L3MBTL4: variants seen among roughly 807,000 people sequenced by gnomAD.
The protein encoded by L3MBTL4 is L3MBTL histone methyl-lysine binding protein 4.
In L3MBTL4, 70 loss-of-function variants were observed where a neutral mutation model predicts 84.5. The observed-to-expected ratio is 0.83, with a 90% confidence interval of 0.68 to 1.01. The LOEUF (loss-of-function observed/expected upper bound fraction) is 1.01, where lower values mean the gene tolerates loss of function less well. L3MBTL4 is among the 50% of genes least tolerant of loss of function. L3MBTL4 has a pLI of 0.00. For missense variants in L3MBTL4, 715 were observed against 754.8 expected (o/e 0.95, Z 0.62); for synonymous variants, 274 against 259.8 (o/e 1.05, Z -0.52).
chr18:6,302,488 G>GC (rs2050385555), intron 3 of L3MBTL4, among the ~76,000 whole-genome samples: 1 of 152,190 alleles, frequency 6.6e-6, no homozygotes, highest in African/African-American at 2.4e-5. Context: ...CACGCAGCAA[G>GC]CAAGATGGTG....
At chr18:6,053,059 T>C (rs766380483) in intron 16 of L3MBTL4, among the ~76,000 whole-genome samples, 2 of 152,208 alleles carry the variant, frequency 1.3e-5, no homozygotes, top group Non-Finnish European at 2.9e-5. Flanking sequence ...CCTTGTTCAT[T>C]GTGTCTTTCT....
intron 16 of L3MBTL4, among the ~76,000 whole-genome samples, chr18:5,994,794 T>C (rs576867272): frequency 3.9e-5 from 6 of 152,332 alleles, no homozygotes; most frequent in African/African-American, 1.2e-4. Context: ...CTCCTTCAAC[T>C]TCTATCATTT....
chr18:6,283,024 C>T (rs1232432708), intron 4 of L3MBTL4, among the ~76,000 whole-genome samples: 1 of 152,184 alleles, frequency 6.6e-6, no homozygotes, highest in African/African-American at 2.4e-5. Context: ...GCAACGCCTC[C>T]TCTCCAAGAC....
At chr18:6,090,716 C>T (rs569878738) in intron 15 of L3MBTL4, among the ~76,000 whole-genome samples, 1 of 151,480 alleles carries the variant, frequency 6.6e-6, no homozygotes, top group East Asian at 1.9e-4. Flanking sequence ...CCTCTGCTTC[C>T]CAGGCTCAAG....
chr18:6,288,662 T>C (rs989485504), intron 4 of L3MBTL4, among the ~76,000 whole-genome samples: 4 of 145,132 alleles, frequency 2.8e-5, no homozygotes, highest in African/African-American at 1.0e-4. Flanking sequence ...GTATTTAACT[T>C]TAAGGTTTAC....
intron 10 of L3MBTL4, among the ~76,000 whole-genome samples, chr18:6,216,345 T>C (rs1217709863): frequency 6.6e-6 from 1 of 152,228 alleles, no homozygotes; most frequent in African/African-American, 2.4e-5. Flanking sequence ...ATATTGAACA[T>C]GATATAAAGA....
At chr18:6,280,133 G>A (rs368248060) in intron 4 of L3MBTL4, among the ~76,000 whole-genome samples, 11 of 152,082 alleles carry the variant, frequency 7.2e-5, no homozygotes, top group Non-Finnish European at 1.0e-4. Flanking sequence ...TTTAAAATCC[G>A]TAAAGGAACA....
chr18:6,111,354 T>C (rs2059190523), intron 14 of L3MBTL4, among the ~76,000 whole-genome samples: 1 of 152,242 alleles, frequency 6.6e-6, no homozygotes, highest in Non-Finnish European at 1.5e-5. Context: ...TGAATTATAA[T>C]GTAATAAAGT....
intron 16 of L3MBTL4, among the ~76,000 whole-genome samples, chr18:6,036,868 G>A (rs1391464064): frequency 6.6e-6 from 1 of 152,138 alleles, no homozygotes; most frequent in Non-Finnish European, 1.5e-5. Flanking sequence ...TCCTGGGCCT[G>A]TACCTTTCCC....
intron 16 of L3MBTL4, among the ~76,000 whole-genome samples, chr18:6,048,704 G>T (rs1037547867): frequency 4.0e-5 from 6 of 151,342 alleles, no homozygotes; most frequent in Non-Finnish European, 5.9e-5. Context: ...TGGGAGAATC[G>T]CTTGAACCCG....
intron 13 of L3MBTL4, among the ~76,000 whole-genome samples, chr18:6,154,089 T>A (rs2043002432): frequency 1.3e-5 from 2 of 152,180 alleles, no homozygotes; most frequent in Admixed American, 6.5e-5. Context: ...GGATTTCCAA[T>A]ACTATGTTGA....
intron 1 of L3MBTL4, among the ~76,000 whole-genome samples, chr18:6,380,296 T>C (rs1015141662): frequency 6.6e-6 from 1 of 152,124 alleles, no homozygotes; most frequent in Non-Finnish European, 1.5e-5. Flanking sequence ...TTTTGAAGGG[T>C]TTTTCGTGTC....
intron 13 of L3MBTL4, among the ~76,000 whole-genome samples, chr18:6,145,447 T>A (rs1306998762): frequency 1.3e-5 from 2 of 151,962 alleles, no homozygotes; most frequent in Non-Finnish European, 2.9e-5. Context: ...CTCATTTAAA[T>A]ATATAGATGA....
At chr18:6,404,536 T>G (rs995240154) in intron 1 of L3MBTL4, among the ~76,000 whole-genome samples, 1 of 152,170 alleles carries the variant, frequency 6.6e-6, no homozygotes, top group Non-Finnish European at 1.5e-5. Context: ...AAAAGTGCCA[T>G]TCTACAGAAG....
intron 14 of L3MBTL4, among the ~76,000 whole-genome samples, chr18:6,119,863 G>A (rs1224999940): frequency 1.3e-5 from 2 of 152,180 alleles, no homozygotes; most frequent in African/African-American, 4.8e-5. Flanking sequence ...TATCAGATGA[G>A]TAGTTAGAAG....
chr18:6,337,152 TA>T (rs2052379568), intron 1 of L3MBTL4, among the ~76,000 whole-genome samples: 1 of 151,298 alleles, frequency 6.6e-6, no homozygotes. Flanking sequence ...TAGGGCACAA[TA>T]AAAAGACATA....
At chr18:5,994,458 T>G (rs2053854808) in intron 16 of L3MBTL4, among the ~76,000 whole-genome samples, 1 of 152,248 alleles carries the variant, frequency 6.6e-6, no homozygotes, top group African/African-American at 2.4e-5. Flanking sequence ...CACTTCTTGT[T>G]CTAATTTTTC....
intron 12 of L3MBTL4, among the ~76,000 whole-genome samples, chr18:6,193,467 T>C (rs73383948): frequency 0.045 from 6,855 of 152,196 alleles, 516 homozygotes; most frequent in African/African-American, 0.16. Flanking sequence ...AAAGGGCCCA[T>C]GTGCAAGGGC....
At chr18:6,007,843 T>C (rs1003269580) in intron 16 of L3MBTL4, among the ~76,000 whole-genome samples, 1 of 152,164 alleles carries the variant, frequency 6.6e-6, no homozygotes, top group Non-Finnish European at 1.5e-5. Flanking sequence ...TATACTGTTA[T>C]GTGAAAAAAA....
Sources: allele counts gnomAD v4.1 joint callset (sites outside exome capture counted in the v4.1 genomes callset), GRCh38; gene constraint gnomAD v4.1.1; transcripts MANE v1.5; gene names NCBI Gene and HGNC (gene_info 2026-07-23, HGNC 2026-07-21).